TMEM237: variants seen among roughly 807,000 people sequenced by gnomAD.
TMEM237 encodes the protein amyotrophic lateral sclerosis 2 (juvenile) chromosome region, candidate 4.
TMEM237 carries 51 observed loss-of-function variants against 59.1 expected under a neutral mutation model. The ratio of observed to expected loss-of-function variants is 0.86; its 90% CI spans 0.69 to 1.09. The LOEUF is 1.09. Among genes scored for constraint, TMEM237 ranks in the 50% least tolerant of loss-of-function variants. The pLI is 0.00. For missense variants in TMEM237, 475 were observed against 478.3 expected (o/e 0.99, Z 0.06); for synonymous variants, 140 against 166.1 (o/e 0.84, Z 1.21).
intron 11 of TMEM237, 62 bp from the exon 12 acceptor site, chr2:201,626,209 C>T (rs1199212076): frequency 3.9e-6 from 6 of 1,540,054 alleles, no homozygotes; most frequent in Non-Finnish European, 5.3e-6. Context: ...ACAAATATAT[C>T]TATTTTATGA....
chr2:201,627,799 C>T (rs1651474727), intron 10 of TMEM237, among the ~76,000 whole-genome samples: 1 of 152,130 alleles, frequency 6.6e-6, no homozygotes, highest in Non-Finnish European at 1.5e-5. Flanking sequence ...CCCGCTGAAT[C>T]TGTTTAATGT....
chr2:201,642,889 G>A, intron 1 of TMEM237: 2 of 1,340,310 alleles, frequency 1.5e-6, no homozygotes, highest in Non-Finnish European at 1.9e-6. Context: ...CCGTGGCGCT[G>A]CAATCACAGC....
At position 201,643,274 on chromosome 2, in the gene TMEM237, G is replaced by GGGGGCCCC; in HGVS notation, c.42+84_42+85insGGGGCCCC. 8.3e-7 allele frequency: 1 copy of GGGGGCCCC among 1,206,758 alleles called. No individual in the cohort carries two copies. The highest frequency in any genetic ancestry group is 1.2e-6 in the Non-Finnish European group (1 of 849,318). 74.8% of individuals were successfully genotyped at this position (1,206,758 alleles called of 1,614,324 possible). ...CCTTAGTGATTCCCAGCTCGTTGGC[G>GGGGGCCCC]CCCCCCCACACACACCCACCCCCAC... On this transcript the variant is annotated intron_variant, in intron 1 of 12. Coordinates refer to ENST00000409883, the MANE Select transcript of TMEM237 (RefSeq NM_001044385.3). This position sits in a 1 kb window ranked among gnomAD's most constrained non-coding sequence, Gnocchi z 4.3.
chr2:201,630,410 T>C (rs2105899451), intron 7 of TMEM237, among the ~76,000 whole-genome samples: 1 of 152,324 alleles, frequency 6.6e-6, no homozygotes, highest in South Asian at 2.1e-4. Context: ...TGCAATATTG[T>C]ATGAGCAGGG....
In TMEM237 at chr2:201,643,462, G is replaced by T; in HGVS notation, c.-62C>A. On this transcript the variant is annotated 5_prime_UTR_variant, in exon 1 of 13. Coordinates refer to ENST00000409883, the MANE Select transcript of TMEM237 (RefSeq NM_001044385.3). This position sits in a 1 kb window ranked among gnomAD's most constrained non-coding sequence, Gnocchi z 4.3. ...CGGCGGCCCGAGCCCAGCTCCCCGC[G>T]ACGCAGCGGCCTCCGGGACCTGTGG... 1 of 1,372,336 alleles carries T rather than the reference G, an allele frequency of 7.3e-7. No homozygotes were observed. The highest frequency in any genetic ancestry group is 1.6e-5 in the South Asian group (1 of 62,044). The allele number at this position is 1,372,336 out of a possible 1,614,324, so 85.0% of individuals were successfully genotyped here.
rs1003429611 is a variant in TMEM237 at position 201,620,281 on chromosome 2, T to C, written c.*3974A>G. ...AATGTACTCTCCTAGCTCAGGATCATTATTTATTCCTCTTATTTTTGGAAT... is the reference window on the plus strand; with the variant it reads ...AATGTACTCTCCTAGCTCAGGATCACTATTTATTCCTCTTATTTTTGGAAT... On this transcript the variant is annotated 3_prime_UTR_variant, in exon 13 of 13. Transcript: ENST00000409883. 1 of 152,250 alleles carries C rather than the reference T, an allele frequency of 6.6e-6. No individual in the cohort carries two copies. Among genetic ancestry groups the C allele is most frequent in the Non-Finnish European group, 1.5e-5 (1 of 68,044 alleles). 9.4% of individuals were successfully genotyped at this position (152,250 alleles called of 1,614,324 possible).
chr2:201,629,837 G>T lies in TMEM237; in HGVS notation c.569C>A (p.Ala190Asp), dbSNP rs755937170. 3 of 1,612,030 alleles carry T rather than the reference G, an allele frequency of 1.9e-6. No individual in the cohort carries two copies. In the African/African-American group the frequency reaches 4.0e-5, roughly 22 times the overall value. ...FVEKSRRFQA[A>D]DRSELIKTTE... ...GGTCTTTATCAACTCTGAACGATCA[G>T]CAGCCTGGAATCTCCCTAAGAACAC... Residue 190 changes from alanine (A) to aspartate (D), a missense_variant, in exon 8 of 13, where the codon GCT becomes GAT. By Grantham distance (126) the Ala-to-Asp change is moderately radical. Coordinates refer to ENST00000409883, the MANE Select transcript of TMEM237 (RefSeq NM_001044385.3).
In TMEM237 at chr2:201,642,660, C is replaced by T. The variant is rs1317978523; in HGVS notation, c.42+699G>A. 1.9e-6 allele frequency: 3 copies of T among 1,607,990 alleles called. No individual in the cohort carries two copies. The East Asian group carries it at 6.8e-5, about 37-fold the overall frequency. On this transcript the variant is annotated intron_variant, in intron 1 of 12. Coordinates refer to ENST00000409883, the MANE Select transcript of TMEM237 (RefSeq NM_001044385.3). ...TAGCCGGCCTCGGCGGCCGCCGGCC[C>T]CCAAGCACCTGGCGCCCCACCCCTC...
chr2:201,639,172 G>A (rs757035197), intron 3 of TMEM237, 127 bp from the exon 4 acceptor site: 71 of 844,754 alleles, frequency 8.4e-5, no homozygotes, highest in Non-Finnish European at 1.1e-4. Flanking sequence ...AACGTTTATA[G>A]ATTAGGGGAA....
intron 12 of TMEM237, among the ~76,000 whole-genome samples, chr2:201,625,230 C>T (rs1231321360): frequency 3.3e-5 from 5 of 151,830 alleles, no homozygotes; most frequent in East Asian, 1.9e-4. Flanking sequence ...GGCGTGGTGG[C>T]GGGCGCCTGT....
rs1483649010 is a variant in TMEM237 at position 201,629,267 on chromosome 2, A to G, written c.832T>C (p.Leu278=). ...GAAATTGTACTCAGAGCCAAAAGCA[A>G]GTACAGAAGACTCTGGAATGGATAC... is the stretch of plus-strand genomic sequence containing the variant. ...LAYPFQSLLY[L]LLALSTISAF... is the part of the protein sequence containing the mutation. Residue 278 remains leucine, a synonymous_variant, in exon 9 of 13, where the codon TTG becomes CTG. Coordinates refer to ENST00000409883, the MANE Select transcript of TMEM237 (RefSeq NM_001044385.3). 1.3e-6 allele frequency: 2 copies of G among 1,587,426 alleles called. No individual in the cohort carries two copies. The highest frequency in any genetic ancestry group is 1.4e-5 in the African/African-American group (1 of 73,582).
intron 7 of TMEM237, among the ~76,000 whole-genome samples, chr2:201,631,667 C>T (rs1957808771): frequency 6.6e-6 from 1 of 152,108 alleles, no homozygotes; most frequent in South Asian, 2.1e-4. Context: ...AAACAACCAG[C>T]ATTAATATTT....
At position 201,636,882 on chromosome 2, in the gene TMEM237, C is replaced by G. The variant is rs1374794179; in HGVS notation, c.140G>C (p.Ser47Thr). Residue 47 changes from serine (S) to threonine (T), a missense_variant, in exon 5 of 13, where the codon AGT becomes ACT. Physicochemically the swap from Ser to Thr is moderately conservative, Grantham distance 58. Transcript: ENST00000409883. ...KKPRTKNTPA[S>T]ASLEGLAQTA... Reference sequence around the variant, plus strand: ...CTGAGCAAGGCCTTCCAAAGAAGCACTTGCTATAGAAAAACAGAGTAGAAA... The same window carrying G: ...CTGAGCAAGGCCTTCCAAAGAAGCAGTTGCTATAGAAAAACAGAGTAGAAA... 8.1e-6 allele frequency: 13 copies of G among 1,599,118 alleles called. No homozygotes were observed. The highest frequency in any genetic ancestry group is 1.1e-5 in the Non-Finnish European group (13 of 1,175,184).
At chr2:201,631,721 C>CTG (rs146248768) in intron 7 of TMEM237, among the ~76,000 whole-genome samples, 333 of 151,430 alleles carry the variant, frequency 2.2e-3, no homozygotes, top group African/African-American at 6.8e-3. Flanking sequence ...ATAGATCAAA[C>CTG]TGTGTGTGTG....
intron 1 of TMEM237, chr2:201,642,656 G>A (rs1465920452): frequency 6.2e-7 from 1 of 1,607,842 alleles, no homozygotes; most frequent in East Asian, 2.3e-5. Flanking sequence ...GGCGGCCGCC[G>A]GCCCCCAAGC....
At position 201,622,476 on chromosome 2, in the gene TMEM237, T is replaced by C. The variant is rs1278364410; in HGVS notation, c.*1779A>G. 6.6e-6 allele frequency: 1 copy of C among 152,296 alleles called. No homozygotes were observed. Among genetic ancestry groups the C allele is most frequent in the Non-Finnish European group, 1.5e-5 (1 of 68,080 alleles). The allele number at this position is 152,296 out of a possible 1,614,324, so 9.4% of individuals were successfully genotyped here. A position where few individuals can be genotyped will look rare whatever the true frequency, so the allele number is the denominator to read the frequency against. On this transcript the variant is annotated 3_prime_UTR_variant, in exon 13 of 13. Transcript: ENST00000409883. ...TAGAACTCAGTTCCTTGTGGTTATG[T>C]GACTGAAATCCATTTCCTTGCTCAT...
chr2:201,639,137 C>T, intron 3 of TMEM237, 92 bp from the exon 4 acceptor site: 1 of 1,184,992 alleles, frequency 8.4e-7, no homozygotes, highest in Non-Finnish European at 1.2e-6. Context: ...GGGAAGAATT[C>T]TCCCTCTCTT....
intron 1 of TMEM237, chr2:201,642,499 C>A: frequency 7.7e-7 from 1 of 1,296,358 alleles, no homozygotes; most frequent in Non-Finnish European, 1.1e-6. Flanking sequence ...AAAAGTCCCG[C>A]AAAAATGACG....
In TMEM237 at chr2:201,622,337, T is replaced by A. The variant is rs1957715685; in HGVS notation, c.*1918A>T. 1 of 152,268 alleles carries A rather than the reference T, an allele frequency of 6.6e-6. No individual in the cohort carries two copies. The highest frequency in any genetic ancestry group is 1.5e-5 in the Non-Finnish European group (1 of 68,056). The allele number at this position is 152,268 out of a possible 1,614,324, so 9.4% of individuals were successfully genotyped here. ...ATACACTTGCTATCTTACAGTTCTG[T>A]ATGTCAAAAGTATGACATGGGCAGC... On this transcript the variant is annotated 3_prime_UTR_variant, in exon 13 of 13. Coordinates refer to ENST00000409883, the MANE Select transcript of TMEM237 (RefSeq NM_001044385.3).
Sources: allele counts gnomAD v4.1 joint callset (sites outside exome capture counted in the v4.1 genomes callset), GRCh38; gene constraint gnomAD v4.1.1; non-coding constraint Gnocchi (gnomAD v3.1); transcripts MANE v1.5; gene names NCBI Gene and HGNC (gene_info 2026-07-23, HGNC 2026-07-21).